Variants in MARCO observed in about 807,000 individuals in gnomAD.
MARCO encodes macrophage receptor with collagenous structure, also known as macrophage receptor MARCO.
A neutral mutation model predicts 70.0 loss-of-function variants in MARCO; 72 were observed. The observed-to-expected ratio is 1.03, with a 90% CI of 0.85 to 1.25. The LOEUF (loss-of-function observed/expected upper bound fraction) is 1.25. Among genes scored for constraint, MARCO ranks in the 50% most tolerant of loss-of-function variants. MARCO has a pLI of 0.00. For missense variants in MARCO, 696 were observed against 659.3 expected (o/e 1.06, Z -0.61); for synonymous variants, 273 against 243.1 (o/e 1.12, Z -1.14).
intron 1 of MARCO, among the ~76,000 whole-genome samples, chr2:118,944,412 C>G (rs553345817): frequency 6.6e-6 from 1 of 152,270 alleles, no homozygotes; most frequent in African/African-American, 2.4e-5. Flanking sequence ...GCTCTGGTAA[C>G]ACAGTGACCC....
intron 1 of MARCO, among the ~76,000 whole-genome samples, chr2:118,959,494 G>T (rs1679901814): frequency 6.6e-6 from 1 of 152,110 alleles, no homozygotes; most frequent in Non-Finnish European, 1.5e-5. Flanking sequence ...CACAGATGTT[G>T]GCATGGATGT....
intron 3 of MARCO, 142 bp from the exon 4 acceptor site, chr2:118,971,357 T>C (rs1680166967): frequency 2.5e-6 from 2 of 803,796 alleles, no homozygotes; most frequent in South Asian, 3.0e-5. Flanking sequence ...GCTTGGCTCC[T>C]GTTGTCCAAA....
intron 1 of MARCO, among the ~76,000 whole-genome samples, chr2:118,956,412 T>TACTTTAATACTCCACTGACAGCACAGGAG (rs1553461119): frequency 6.9e-6 from 1 of 144,206 alleles, no homozygotes; most frequent in South Asian, 2.4e-4. Flanking sequence ...CATTATGTAA[T>TACTTTAATACTCCACTGACAGCACAGGAG]GGTAAAAGTC....
At chr2:118,954,359 A>C (rs1364665053) in intron 1 of MARCO, among the ~76,000 whole-genome samples, 1 of 152,134 alleles carries the variant, frequency 6.6e-6, no homozygotes, top group Non-Finnish European at 1.5e-5. Context: ...TTCTAGGTAC[A>C]CAACTCCAGT....
chr2:118,977,039 G>A lies in MARCO; in HGVS notation c.614-432G>A, dbSNP rs181131983. 2.6e-5 allele frequency among the ~76,000 whole-genome samples: 4 copies of A among 152,292 alleles called. No homozygotes were observed. The East Asian group carries it at 7.7e-4, about 29-fold the overall frequency. On this transcript the variant is annotated intron_variant, in intron 6 of 16. Transcript: ENST00000327097. The stretch of plus-strand genomic sequence containing the variant: ...TGAGTCAAAATGTGGTGGAGAAATG[G>A]AACTAGCTCTCTTGGTAACTAATCT...
rs776151132 is a variant in MARCO at position 118,993,253 on chromosome 2, G to A, written c.1382G>A (p.Arg461His). 2.5e-5 allele frequency: 41 copies of A among 1,613,996 alleles called. No homozygotes were observed. The highest frequency in any genetic ancestry group is 8.9e-5 in the East Asian group (4 of 44,880). ...WQNSDAIVFC[R>H]MLGYSKGRAL... ...AATTCTGATGCCATTGTCTTCTGCCGCATGCTGGGTTACTCCAAAGGAAGG... is the reference window on the plus strand; with the variant it reads ...AATTCTGATGCCATTGTCTTCTGCCACATGCTGGGTTACTCCAAAGGAAGG... The change falls in exon 16 of 17, where the codon CGC becomes CAC. Residue 461 changes from arginine to histidine, a missense_variant. Arg to His is a conservative substitution (Grantham distance 29). Around this residue, in one of 3 missense-constraint regions of MARCO, gnomAD observed 33 missense variants for 59.6 expected, o/e 0.55. Transcript: ENST00000327097.
At chr2:118,944,878 C>G (rs1324533584) in intron 1 of MARCO, 1 of 152,160 alleles carries the variant, frequency 6.6e-6, no homozygotes, top group African/African-American at 2.4e-5. Context: ...TCCAGCCTCC[C>G]TCATTAGAAC....
chr2:118,986,798 G>T (rs1680527288), intron 12 of MARCO, among the ~76,000 whole-genome samples: 2 of 151,616 alleles, frequency 1.3e-5, no homozygotes, highest in African/African-American at 4.8e-5. Context: ...GAAAAGAAAA[G>T]AAAGGGAAAG....
intron 1 of MARCO, among the ~76,000 whole-genome samples, chr2:118,967,101 G>A (rs1680066506): frequency 6.6e-6 from 1 of 152,202 alleles, no homozygotes; most frequent in African/African-American, 2.4e-5. Context: ...GGCCATTTGG[G>A]GAGACAGAGA....
At chr2:118,964,238 G>A (rs1285330044) in intron 1 of MARCO, among the ~76,000 whole-genome samples, 1 of 152,156 alleles carries the variant, frequency 6.6e-6, no homozygotes, top group East Asian at 1.9e-4. Flanking sequence ...TAATTTTTGT[G>A]TTAAAAATCA....
chr2:118,964,077 T>C (rs1679998521), intron 1 of MARCO, among the ~76,000 whole-genome samples: 1 of 152,224 alleles, frequency 6.6e-6, no homozygotes, highest in African/African-American at 2.4e-5. Context: ...GCAGCCTGGC[T>C]ATTGCAATAT....
chr2:118,952,438 C>T (rs1381771882), intron 1 of MARCO, among the ~76,000 whole-genome samples: 1 of 152,162 alleles, frequency 6.6e-6, no homozygotes. Flanking sequence ...TATGAGGTAG[C>T]TATGGAACCG....
intron 1 of MARCO, among the ~76,000 whole-genome samples, chr2:118,944,383 T>C (rs1679557924): frequency 6.6e-6 from 1 of 152,248 alleles, no homozygotes; most frequent in African/African-American, 2.4e-5. Flanking sequence ...AGTGCCATTA[T>C]GCAGGTAATC....
Position 118,982,345 on chromosome 2 carries a change from C to G in MARCO, c.1001-3C>G, listed in dbSNP as rs373355265. ...TATGCTCTCTGTGGTGTCTGTTGTC[C>G]AGGACTTCCAGGGAGCCCCGGGAGT... On this transcript the variant is annotated splice_polypyrimidine_tract_variant and splice_region_variant and intron_variant, in intron 11 of 16. Transcript: ENST00000327097. The G allele has an allele frequency of 3.1e-6, 5 of 1,613,774 alleles. No homozygotes were observed. The highest frequency in any genetic ancestry group is 4.2e-6 in the Non-Finnish European group (5 of 1,179,882).
intron 1 of MARCO, among the ~76,000 whole-genome samples, chr2:118,966,037 C>T (rs948512965): frequency 6.6e-6 from 1 of 151,884 alleles, no homozygotes; most frequent in East Asian, 1.9e-4. Context: ...GACACCCTAC[C>T]AGCACTGCCT....
At chr2:118,989,974 G>A (rs78122203) in intron 12 of MARCO, among the ~76,000 whole-genome samples, 1 of 152,180 alleles carries the variant, frequency 6.6e-6, no homozygotes, top group Non-Finnish European at 1.5e-5. Context: ...GAAAAAAAAG[G>A]ATGAATGGAT....
chr2:118,975,519 C>A (rs1313853669), intron 6 of MARCO, among the ~76,000 whole-genome samples: 6 of 152,136 alleles, frequency 3.9e-5, no homozygotes, highest in Admixed American at 3.9e-4. Context: ...CCCCAAAGAG[C>A]CTATTGATCT....
intron 1 of MARCO, among the ~76,000 whole-genome samples, chr2:118,955,538 A>C (rs1320849529): frequency 6.6e-6 from 1 of 152,198 alleles, no homozygotes; most frequent in African/African-American, 2.4e-5. Flanking sequence ...TTGGGGGAAT[A>C]ATCAAGGAAA....
intron 8 of MARCO, 76 bp downstream of exon 8, chr2:118,978,011 G>A: frequency 3.2e-6 from 3 of 931,684 alleles, no homozygotes; most frequent in East Asian, 5.3e-5. Context: ...GTGCCATTGG[G>A]TCTATTCAGT....
Sources: gnomAD v4.1 joint callset for allele counts (sites outside exome capture counted in the v4.1 genomes callset) on GRCh38, gnomAD v4.1.1 for gene constraint, gnomAD v4.1.1 regional missense constraint, MANE v1.5 for transcripts, NCBI Gene and HGNC (gene_info 2026-07-23, HGNC 2026-07-21) for gene names.